RASAL2: variants seen among roughly 807,000 people sequenced by gnomAD.
The protein encoded by RASAL2 is RAS protein activator like 2.
RASAL2 carries 58 observed loss-of-function variants against 128.9 expected under a neutral mutation model. That is an observed-to-expected ratio of 0.45 (90% confidence interval 0.36 to 0.56). The LOEUF (loss-of-function observed/expected upper bound fraction) is 0.56, where lower values mean the gene tolerates loss of function less well. Among genes scored for constraint, RASAL2 ranks in the 20% least tolerant of loss-of-function variants. The pLI is 0.00. For missense variants in RASAL2, 1,360 were observed against 1,601.6 expected (o/e 0.85, Z 2.57); for synonymous variants, 561 against 580.8 (o/e 0.97, Z 0.49).
intron 4 of RASAL2, among the ~76,000 whole-genome samples, chr1:178,407,080 C>T (rs1674048135): frequency 6.6e-6 from 1 of 152,122 alleles, no homozygotes; most frequent in Non-Finnish European, 1.5e-5. Context: ...TGATTTATGA[C>T]AGAACCTTTT....
rs1343108660 is a variant in RASAL2 at position 178,474,286 on chromosome 1, T to C, written c.*1047T>C. 6.6e-6 allele frequency: 1 copy of C among 152,664 alleles called. No individual in the cohort carries two copies. The highest frequency in any genetic ancestry group is 1.5e-5 in the Non-Finnish European group (1 of 68,044). 9.5% of individuals were successfully genotyped at this position (152,664 alleles called of 1,614,324 possible). On this transcript the variant is annotated 3_prime_UTR_variant, in exon 18 of 18. Transcript: ENST00000367649. ...TATTTCCTATTAAAAATTTTTTCTA[T>C]GTGTTGTTATAATTTTTGTTTGGGA...
At chr1:178,303,301 A>G (rs1667850417) in intron 3 of RASAL2, among the ~76,000 whole-genome samples, 1 of 152,094 alleles carries the variant, frequency 6.6e-6, no homozygotes, top group Non-Finnish European at 1.5e-5. Context: ...AATACAATAA[A>G]ACTTCTAGAA....
intron 1 of RASAL2, among the ~76,000 whole-genome samples, chr1:178,238,450 G>A (rs1470082895): frequency 6.6e-6 from 1 of 152,096 alleles, no homozygotes; most frequent in African/African-American, 2.4e-5. Flanking sequence ...TGCAAACAGT[G>A]TATTCTGCCT....
At chr1:178,243,625 A>G (rs919932547) in intron 1 of RASAL2, among the ~76,000 whole-genome samples, 5 of 150,986 alleles carry the variant, frequency 3.3e-5, no homozygotes, top group Admixed American at 2.6e-4. Context: ...AAAAATGACA[A>G]CAACAAAATA....
intron 1 of RASAL2, among the ~76,000 whole-genome samples, chr1:178,226,012 G>C (rs960668922): frequency 4.6e-5 from 7 of 152,094 alleles, no homozygotes; most frequent in Non-Finnish European, 7.4e-5. Flanking sequence ...TCTTGATACA[G>C]TTTTCTCTTT....
chr1:178,194,908 GAAAAAT>G (rs1400174086), intron 1 of RASAL2, among the ~76,000 whole-genome samples: 9 of 152,158 alleles, frequency 5.9e-5, no homozygotes, highest in Non-Finnish European at 8.8e-5. Flanking sequence ...TTCAAATGAT[GAAAAAT>G]AAAAATAAAA....
At chr1:178,272,511 C>T (rs1000919108) in intron 1 of RASAL2, among the ~76,000 whole-genome samples, 11 of 152,078 alleles carry the variant, frequency 7.2e-5, no homozygotes, top group African/African-American at 1.9e-4. Context: ...ACTTGATACT[C>T]ATAAATCATT....
intron 1 of RASAL2, among the ~76,000 whole-genome samples, chr1:178,128,918 TATTC>T (rs200934512): frequency 6.6e-6 from 1 of 152,102 alleles, no homozygotes; most frequent in Non-Finnish European, 1.5e-5. Flanking sequence ...ATACTTTGTT[TATTC>T]ATTCATTCAT....
intron 3 of RASAL2, among the ~76,000 whole-genome samples, chr1:178,343,611 A>T (rs560088373): frequency 1.3e-5 from 2 of 152,336 alleles, no homozygotes; most frequent in Admixed American, 1.3e-4. Context: ...AATGATCAGA[A>T]GTCATTAATC....
At chr1:178,189,415 C>T (rs891308794) in intron 1 of RASAL2, among the ~76,000 whole-genome samples, 40 of 152,218 alleles carry the variant, frequency 2.6e-4, no homozygotes, top group African/African-American at 9.4e-4. Context: ...CAAAGTAAAC[C>T]AGAGAATTCA....
At chr1:178,323,255 A>G (rs1459770278) in intron 3 of RASAL2, among the ~76,000 whole-genome samples, 5 of 152,188 alleles carry the variant, frequency 3.3e-5, no homozygotes, top group Non-Finnish European at 7.3e-5. Flanking sequence ...TCACCTTGGT[A>G]TCACCATAGC....
intron 1 of RASAL2, among the ~76,000 whole-genome samples, chr1:178,105,706 G>A (rs1659062674): frequency 1.3e-5 from 2 of 148,616 alleles, no homozygotes; most frequent in Non-Finnish European, 3.0e-5. Context: ...TTTTTGAGAC[G>A]GAGTCTTGTT....
chr1:178,139,118 A>T (rs560866106), intron 1 of RASAL2, among the ~76,000 whole-genome samples: 2 of 152,016 alleles, frequency 1.3e-5, no homozygotes, highest in Non-Finnish European at 2.9e-5. Context: ...TTAATGTAAG[A>T]TGTAAGTTTC....
chr1:178,139,484 T>C (rs1322637717), intron 1 of RASAL2, among the ~76,000 whole-genome samples: 5 of 152,130 alleles, frequency 3.3e-5, no homozygotes, highest in African/African-American at 7.2e-5. Context: ...AACAGTGTTT[T>C]TGAATTTTTA....
intron 3 of RASAL2, among the ~76,000 whole-genome samples, chr1:178,336,172 A>G (rs2102387650): frequency 6.7e-6 from 1 of 148,922 alleles, no homozygotes; most frequent in African/African-American, 2.5e-5. Context: ...CGCTGTTGTA[A>G]TTTTCCTTTT....
At chr1:178,258,908 A>G (rs1451390140) in intron 1 of RASAL2, among the ~76,000 whole-genome samples, 1 of 152,158 alleles carries the variant, frequency 6.6e-6, no homozygotes, top group Admixed American at 6.5e-5. Context: ...TATCTATACA[A>G]TAGAATAATA....
At chr1:178,171,435 G>A (rs1661703509) in intron 1 of RASAL2, among the ~76,000 whole-genome samples, 1 of 151,898 alleles carries the variant, frequency 6.6e-6, no homozygotes, top group South Asian at 2.1e-4. Context: ...TGAGTTGCCT[G>A]TTAAAAATAT....
intron 5 of RASAL2, among the ~76,000 whole-genome samples, chr1:178,428,497 A>G (rs1353715525): frequency 7.4e-6 from 1 of 135,520 alleles, no homozygotes; most frequent in Admixed American, 7.6e-5. Flanking sequence ...TCTATGATCC[A>G]TTTAGAGTTC....
chr1:178,338,697 A>G (rs1038471334), intron 3 of RASAL2, among the ~76,000 whole-genome samples: 5 of 152,162 alleles, frequency 3.3e-5, no homozygotes, highest in African/African-American at 1.2e-4. Context: ...CAAACCATTT[A>G]TTTATTCAAC....
Sources: allele counts gnomAD v4.1 joint callset (sites outside exome capture counted in the v4.1 genomes callset), GRCh38; gene constraint gnomAD v4.1.1; transcripts MANE v1.5; gene names NCBI Gene and HGNC (gene_info 2026-07-23, HGNC 2026-07-21).